Variants in ARHGEF10 observed in about 807,000 individuals in gnomAD.
The protein encoded by ARHGEF10 is Rho guanine nucleotide exchange factor 10.
A neutral mutation model predicts 147.4 loss-of-function variants in ARHGEF10; 140 were observed. The observed-to-expected ratio is 0.95, with a 90% CI of 0.83 to 1.09. ARHGEF10 has a LOEUF of 1.09. Ranked by LOEUF, ARHGEF10 falls within the 50% of genes least tolerant of loss-of-function variation. The pLI is 0.00. For missense variants in ARHGEF10, 2,222 were observed against 1,752.7 expected (o/e 1.27, Z -4.78); for synonymous variants, 902 against 695.8 (o/e 1.30, Z -4.67).
At chr8:1,889,128 C>A (rs1240967590) in intron 11 of ARHGEF10, among the ~76,000 whole-genome samples, 1 of 61,238 alleles carries the variant, frequency 1.6e-5, no homozygotes, top group African/African-American at 1.7e-4. Context: ...TGTGAGGAGA[C>A]ACTGTGAGTG....
At chr8:1,911,889 C>A (rs1399894623) in intron 18 of ARHGEF10, among the ~76,000 whole-genome samples, 2 of 152,208 alleles carry the variant, frequency 1.3e-5, no homozygotes, top group African/African-American at 2.4e-5. Context: ...GCTTCAAATT[C>A]ACTCTCAGTG....
intron 2 of ARHGEF10, 46 bp from the exon 3 acceptor site, chr8:1,857,912 ATC>A: frequency 4.3e-6 from 6 of 1,382,940 alleles, no homozygotes; most frequent in Non-Finnish European, 6.1e-6. Context: ...CTATCTATCT[ATC>A]TATCTATCTA....
intron 25 of ARHGEF10, among the ~76,000 whole-genome samples, chr8:1,933,237 A>G (rs968528857): frequency 6.6e-6 from 1 of 152,154 alleles, no homozygotes; most frequent in Non-Finnish European, 1.5e-5. Context: ...TCTCTTCGTG[A>G]TGCAGTATAG....
rs866229552 is a variant in ARHGEF10, at chr8:1,866,542, C to G, written c.562C>G (p.Arg188Gly). Reference protein sequence around the residue: ...EPPTSEDQVGREDSALARWAA... With the variant: ...EPPTSEDQVGGEDSALARWAA... ...TTCTTTAAGTGAAGATCAAGTCGGT[C>G]GAGAGGACAGCGCACTTGCCCGCTG... Residue 188 changes from arginine (R) to glycine (G), a missense_variant, in exon 6 of 29, where the codon CGA becomes GGA. Coordinates refer to ENST00000349830, the MANE Select transcript of ARHGEF10 (RefSeq NM_014629.4). The G allele has an allele frequency of 2.5e-6, 4 of 1,610,860 alleles. No individual in the cohort carries two copies. The Middle Eastern group carries it at 5.0e-4, about 200-fold the overall frequency.
intron 1 of ARHGEF10, among the ~76,000 whole-genome samples, chr8:1,840,920 G>A (rs1412447578): frequency 1.3e-5 from 2 of 152,194 alleles, no homozygotes; most frequent in South Asian, 2.1e-4. Context: ...GCCGGCACTC[G>A]GACCCTGTCT....
At chr8:1,928,736 T>C in intron 24 of ARHGEF10, 86 bp downstream of exon 24, 4 of 1,460,992 alleles carry the variant, frequency 2.7e-6, no homozygotes, top group Non-Finnish European at 3.8e-6. Flanking sequence ...AAAGAGTCCT[T>C]GACTTTGACT....
At chr8:1,935,113 T>A (rs537872343) in intron 26 of ARHGEF10, among the ~76,000 whole-genome samples, 1 of 152,308 alleles carries the variant, frequency 6.6e-6, no homozygotes, top group Non-Finnish European at 1.5e-5. Context: ...AGGTACTGTT[T>A]TATTAATAAA....
chr8:1,861,786 C>T (rs1234354191), intron 4 of ARHGEF10, among the ~76,000 whole-genome samples: 3 of 152,168 alleles, frequency 2.0e-5, no homozygotes, highest in Non-Finnish European at 2.9e-5. Flanking sequence ...TGTTGTCACT[C>T]TGTGACCGCG....
chr8:1,920,567 G>A (rs879259845), intron 18 of ARHGEF10, among the ~76,000 whole-genome samples: 1 of 151,740 alleles, frequency 6.6e-6, no homozygotes, highest in East Asian at 1.9e-4. Flanking sequence ...GCCTTTAGCA[G>A]TCCTCTCACC....
chr8:1,904,694 G>A (rs1468041031), intron 16 of ARHGEF10, among the ~76,000 whole-genome samples: 2 of 152,156 alleles, frequency 1.3e-5, no homozygotes, highest in Non-Finnish European at 2.9e-5. Flanking sequence ...TCGTTCCCGT[G>A]CACTTGGCAG....
At chr8:1,945,879 C>CCGCGTGCTGGGAGGAGT in intron 27 of ARHGEF10, 1 of 766,058 alleles carries the variant, frequency 1.3e-6, no homozygotes, top group South Asian at 1.7e-5. Context: ...CCTGAAGGAG[C>CCGCGTGCTGGGAGGAGT]CGCGTGCTGG....
rs547525783 is a variant in ARHGEF10, at chr8:1,854,071, T to G, written c.38-3889T>G. ...TCAGAACTAAACTTAGGACCCCAAATGCTGGGATTTTTAAAGGCATTCTGC... is the reference window on the plus strand; with the variant it reads ...TCAGAACTAAACTTAGGACCCCAAAGGCTGGGATTTTTAAAGGCATTCTGC... On this transcript the variant is annotated intron_variant, in intron 2 of 28. Coordinates refer to ENST00000349830, the MANE Select transcript of ARHGEF10 (RefSeq NM_014629.4). Among the ~76,000 whole-genome samples, 26 of 152,262 alleles carry G rather than the reference T, an allele frequency of 1.7e-4. No homozygotes were observed. In the East Asian group the frequency reaches 4.6e-3, roughly 27 times the overall value.
chr8:1,913,081 G>C (rs73180760), intron 18 of ARHGEF10, among the ~76,000 whole-genome samples: 6,695 of 152,118 alleles, frequency 0.044, 231 homozygotes, highest in Middle Eastern at 0.071. Flanking sequence ...ATTTTCAACA[G>C]ATGGACTGTC....
At chr8:1,858,670 T>G (rs1736276890) in intron 3 of ARHGEF10, 1 of 156,840 alleles carries the variant, frequency 6.4e-6, no homozygotes, top group Non-Finnish European at 1.4e-5. Context: ...CCAGAGGGAC[T>G]GCTCAGGTCA....
At chr8:1,909,510 G>A in intron 18 of ARHGEF10, 40 bp downstream of exon 18, 1 of 1,611,304 alleles carries the variant, frequency 6.2e-7, no homozygotes, top group Non-Finnish European at 8.5e-7. Context: ...CGTGGGGCCA[G>A]GGTAACTCTC....
intron 18 of ARHGEF10, among the ~76,000 whole-genome samples, chr8:1,914,758 A>C (rs993808251): frequency 6.6e-6 from 1 of 152,048 alleles, no homozygotes; most frequent in African/African-American, 2.4e-5. Flanking sequence ...TGAGGCCAGG[A>C]CTCGGCGCTG....
intron 1 of ARHGEF10, among the ~76,000 whole-genome samples, chr8:1,839,310 G>C (rs1290919114): frequency 7.4e-6 from 1 of 134,692 alleles, no homozygotes; most frequent in Non-Finnish European, 1.6e-5. Flanking sequence ...CCGGTGTGGG[G>C]ACTGTCTGGT....
chr8:1,933,929 C>G lies in ARHGEF10; in HGVS notation c.3209C>G (p.Thr1070Ser). The G allele has an allele frequency of 6.2e-7, 1 of 1,614,162 alleles. No individual in the cohort carries two copies. Among genetic ancestry groups the G allele is most frequent in the Non-Finnish European group, 8.5e-7 (1 of 1,180,038 alleles). ...GGQVFIISVE[T>S]HAVEGQLEAH... ...CAAGTCTTCATCATCAGTGTGGAGA[C>G]TCATGCTGTAGAGGTAAGTCACTTA... The change falls in exon 26 of 29, where the codon ACT becomes AGT. Residue 1070 changes from threonine to serine, a missense_variant. Transcript: ENST00000349830.
chr8:1,903,481 C>G, intron 16 of ARHGEF10, 30 bp downstream of exon 16: 2 of 1,612,498 alleles, frequency 1.2e-6, no homozygotes, highest in South Asian at 1.1e-5. Context: ...AACTCTATTC[C>G]AAAATTATTT....
Sources: gnomAD v4.1 joint callset for allele counts (sites outside exome capture counted in the v4.1 genomes callset) on GRCh38, gnomAD v4.1.1 for gene constraint, MANE v1.5 for transcripts, NCBI Gene and HGNC (gene_info 2026-07-23, HGNC 2026-07-21) for gene names.